The following CDKAL1 variants were observed in gnomAD, a reference collection of about 807,000 sequenced individuals.
CDKAL1 encodes the protein threonylcarbamoyladenosine tRNA methylthiotransferase.
In CDKAL1, 32 loss-of-function variants were observed where a neutral mutation model predicts 68.2. The ratio of observed to expected loss-of-function variants is 0.47; its 90% CI spans 0.35 to 0.63. CDKAL1 has a LOEUF of 0.63. CDKAL1 is among the 30% of genes least tolerant of loss of function. The probability of loss-of-function intolerance (pLI) is 0.00; values close to 1 mark genes in which losing one functional copy is unlikely to be tolerated. For synonymous variants in CDKAL1, 234 were observed against 244.3 expected, an observed-to-expected ratio of 0.96 and a Z score of 0.39; for missense variants, 606 against 696.7, an observed-to-expected ratio of 0.87 and a Z score of 1.47.
chr6:20,991,507 A>C lies in CDKAL1; in HGVS notation c.910-8720A>C, dbSNP rs540184802. ...TGGGTCATTTGAGGTCACGAGTTTG[A>C]GACCAGCCTGGCCAACACGGTGAAA... On this transcript the variant is annotated intron_variant, in intron 10 of 15. Coordinates refer to ENST00000274695, the MANE Select transcript of CDKAL1 (RefSeq NM_017774.3). 7.2e-4 allele frequency among the ~76,000 whole-genome samples: 110 copies of C among 152,120 alleles called. 1 individual carries two copies. The highest frequency in any genetic ancestry group is 2.5e-3 in the African/African-American group (102 of 41,496).
chr6:21,013,461 C>A (rs988340380), intron 11 of CDKAL1, among the ~76,000 whole-genome samples: 3 of 152,088 alleles, frequency 2.0e-5, no homozygotes, highest in Non-Finnish European at 4.4e-5. Flanking sequence ...CCATAATAAT[C>A]GCAGAGTAAA....
intron 11 of CDKAL1, among the ~76,000 whole-genome samples, chr6:21,023,869 G>T (rs991643695): frequency 6.6e-6 from 1 of 152,004 alleles, no homozygotes; most frequent in Non-Finnish European, 1.5e-5. Context: ...TCACTTTAGT[G>T]GGTACGTTAG....
At position 20,683,441 on chromosome 6, in the gene CDKAL1, A is replaced by G. The variant is rs113387862; in HGVS notation, c.371+34064A>G. ...TGGTTTAAAAGTCTTGGCTTTACTTATATTGAGAGATTCATTAGCAGAAAA... is the reference window on the plus strand; with the variant it reads ...TGGTTTAAAAGTCTTGGCTTTACTTGTATTGAGAGATTCATTAGCAGAAAA... On this transcript the variant is annotated intron_variant, in intron 5 of 15. Coordinates refer to ENST00000274695, the MANE Select transcript of CDKAL1 (RefSeq NM_017774.3). Among the ~76,000 whole-genome samples, 1,216 of 152,322 alleles carry G rather than the reference A, an allele frequency of 8.0e-3. 18 individuals are homozygous for G. Among genetic ancestry groups the G allele is most frequent in the African/African-American group, 0.027 (1,134 of 41,560 alleles).
At chr6:20,548,024 T>TC (rs1283404476) in intron 3 of CDKAL1, among the ~76,000 whole-genome samples, 2 of 152,240 alleles carry the variant, frequency 1.3e-5, no homozygotes, top group African/African-American at 4.8e-5. Flanking sequence ...AGTATGAATT[T>TC]AAAATGCAAT....
intron 7 of CDKAL1, among the ~76,000 whole-genome samples, chr6:20,776,559 A>G (rs938767900): frequency 6.6e-6 from 1 of 152,246 alleles, no homozygotes; most frequent in African/African-American, 2.4e-5. Context: ...AAACATGTAT[A>G]TAACTACTTA....
chr6:21,009,107 A>G lies in CDKAL1; in HGVS notation c.1055+8735A>G, dbSNP rs1162085628. On this transcript the variant is annotated intron_variant, in intron 11 of 15. Transcript: ENST00000274695. Reference sequence around the variant, plus strand: ...TAATTCTCACAATGGCACATATTATATACAAAATCTTATCCCCATTTTAGG... The same window carrying G: ...TAATTCTCACAATGGCACATATTATGTACAAAATCTTATCCCCATTTTAGG... 5.3e-5 allele frequency among the ~76,000 whole-genome samples: 8 copies of G among 152,346 alleles called. No individual in the cohort carries two copies. The East Asian group carries it at 5.8e-4, about 11-fold the overall frequency.
intron 13 of CDKAL1, among the ~76,000 whole-genome samples, chr6:21,122,154 C>T (rs1326154659): frequency 6.6e-6 from 1 of 152,178 alleles, no homozygotes; most frequent in African/African-American, 2.4e-5. Flanking sequence ...AATGTTTTTA[C>T]GTAATCTGTA....
chr6:20,800,036 G>T (rs1776301693), intron 8 of CDKAL1, among the ~76,000 whole-genome samples: 1 of 152,184 alleles, frequency 6.6e-6, no homozygotes, highest in South Asian at 2.1e-4. Context: ...CCCTTTGCAG[G>T]GCTGCCTATG....
At chr6:20,990,348 G>C (rs1766728677) in intron 10 of CDKAL1, among the ~76,000 whole-genome samples, 1 of 152,228 alleles carries the variant, frequency 6.6e-6, no homozygotes, top group Non-Finnish European at 1.5e-5. Flanking sequence ...TTGGTTTCAA[G>C]ATGTGTATTT....
intron 7 of CDKAL1, among the ~76,000 whole-genome samples, chr6:20,762,846 T>A (rs1182633231): frequency 3.3e-5 from 5 of 152,216 alleles, no homozygotes; most frequent in African/African-American, 7.2e-5. Context: ...GGGATTATTT[T>A]ACTTTCCTGT....
At chr6:20,851,527 C>T (rs914365133) in intron 9 of CDKAL1, among the ~76,000 whole-genome samples, 7 of 152,038 alleles carry the variant, frequency 4.6e-5, no homozygotes, top group African/African-American at 7.2e-5. Context: ...TTATAGCTAT[C>T]GTGTGCTTTT....
intron 4 of CDKAL1, among the ~76,000 whole-genome samples, chr6:20,630,365 C>G (rs553277569): frequency 2.6e-5 from 4 of 152,212 alleles, no homozygotes; most frequent in African/African-American, 9.6e-5. Context: ...CTCTGCCTTC[C>G]CCCAGCTCAG....
At chr6:21,166,864 A>G (rs1777176046) in intron 13 of CDKAL1, among the ~76,000 whole-genome samples, 2 of 152,196 alleles carry the variant, frequency 1.3e-5, no homozygotes, top group Non-Finnish European at 1.5e-5. Context: ...TCATATCTAC[A>G]TCAGTGCCGG....
chr6:20,676,679 AAATAAATAAATAAATAAAT>A (rs1256505598), intron 5 of CDKAL1, among the ~76,000 whole-genome samples: 1 of 139,568 alleles, frequency 7.2e-6, no homozygotes, highest in African/African-American at 3.1e-5. Flanking sequence ...ATAAATAAAT[AAATAAATAAATAAATAAAT>A]AAATAAAATA....
chr6:20,926,147 A>G lies in CDKAL1; in HGVS notation c.743-29272A>G, dbSNP rs74527660. Reference sequence around the variant, plus strand: ...AGTATGGGAGAAATTGATGGCATCAAGAGAATAAAAGAATCTATGGAAATT... The same window carrying G: ...AGTATGGGAGAAATTGATGGCATCAGGAGAATAAAAGAATCTATGGAAATT... On this transcript the variant is annotated intron_variant, in intron 9 of 15. Coordinates refer to ENST00000274695, the MANE Select transcript of CDKAL1 (RefSeq NM_017774.3). Among the ~76,000 whole-genome samples, 7 of 152,244 alleles carry G rather than the reference A, an allele frequency of 4.6e-5. No homozygotes were observed. The East Asian group carries it at 1.2e-3, about 25-fold the overall frequency.
intron 8 of CDKAL1, among the ~76,000 whole-genome samples, chr6:20,833,587 T>C (rs1345534971): frequency 6.6e-6 from 1 of 152,138 alleles, no homozygotes; most frequent in Non-Finnish European, 1.5e-5. Context: ...CTATTCATAA[T>C]ACTGGAGGAA....
chr6:21,066,555 A>C (rs535845566), intron 12 of CDKAL1, among the ~76,000 whole-genome samples: 1 of 152,212 alleles, frequency 6.6e-6, no homozygotes, highest in Non-Finnish European at 1.5e-5. Context: ...ACTACATGAC[A>C]ATCAAGATAT....
chr6:20,719,332 A>G (rs921651259), intron 5 of CDKAL1, among the ~76,000 whole-genome samples: 16 of 152,174 alleles, frequency 1.1e-4, no homozygotes, highest in African/African-American at 3.9e-4. Context: ...CTTTAATAGT[A>G]ATTCTGAATT....
At chr6:20,610,960 C>G (rs1226386897) in intron 4 of CDKAL1, among the ~76,000 whole-genome samples, 5 of 152,130 alleles carry the variant, frequency 3.3e-5, no homozygotes, top group Non-Finnish European at 7.4e-5. Context: ...CAGGTGCACA[C>G]CACCACGCCT....
Sources: gnomAD v4.1 joint callset for allele counts (sites outside exome capture counted in the v4.1 genomes callset) on GRCh38, gnomAD v4.1.1 for gene constraint, MANE v1.5 for transcripts, NCBI Gene and HGNC (gene_info 2026-07-23, HGNC 2026-07-21) for gene names.